Variants in EGFLAM observed in about 807,000 individuals in gnomAD.
EGFLAM encodes pikachurin.
In EGFLAM, 79 loss-of-function variants were observed where a neutral mutation model predicts 113.1. The ratio of observed to expected loss-of-function variants is 0.70; its 90% confidence interval spans 0.58 to 0.84. EGFLAM has a LOEUF of 0.84. EGFLAM is among the 40% of genes least tolerant of loss of function. The pLI, the probability that EGFLAM is intolerant of heterozygous loss-of-function variation, is 0.00. For synonymous variants in EGFLAM, 504 were observed against 487.6 expected (o/e 1.03, Z -0.44); for missense variants, 1,265 against 1,291.6 (o/e 0.98, Z 0.32).
chr5:38,425,893 C>T (rs1051572737), intron 13 of EGFLAM, among the ~76,000 whole-genome samples: 5 of 152,052 alleles, frequency 3.3e-5, no homozygotes, highest in Non-Finnish European at 5.9e-5. Flanking sequence ...TCTGGGAGGC[C>T]GAGGTGGGCG....
intron 20 of EGFLAM, among the ~76,000 whole-genome samples, chr5:38,461,835 C>T (rs978114568): frequency 2.6e-5 from 4 of 152,158 alleles, no homozygotes; most frequent in African/African-American, 9.6e-5. Flanking sequence ...TTCCTGTCGT[C>T]AGAGTCACTT....
Position 38,346,260 on chromosome 5 carries a change from G to A in EGFLAM, c.292-4241G>A, listed in dbSNP as rs1023141417. ...TTCTAATACGTTAACTTCCATGGTC[G>A]TAAAGTAATAATAATCTAGTTTCCA... On this transcript the variant is annotated intron_variant, in intron 3 of 21. Coordinates refer to ENST00000322350, the MANE Select transcript of EGFLAM (RefSeq NM_152403.4). Among the ~76,000 whole-genome samples the A allele has an allele frequency of 9.8e-5, 15 of 152,302 alleles. 1 individual carries two copies. Among genetic ancestry groups the A allele is most frequent in the South Asian group, 4.1e-4 (2 of 4,826 alleles).
In EGFLAM at chr5:38,350,492, C is replaced by A; in HGVS notation, c.292-9C>A. On this transcript the variant is annotated splice_polypyrimidine_tract_variant and intron_variant, in intron 3 of 21. Transcript: ENST00000322350. ...ATTGTTAGCATCTTTCTTGTTTGGT[C>A]ATTGACAGGAGGAAGTGATTGGAGA... The A allele has an allele frequency of 6.2e-7, 1 of 1,612,372 alleles. No homozygotes were observed. Among genetic ancestry groups the A allele is most frequent in the South Asian group, 1.1e-5 (1 of 90,804 alleles).
intron 6 of EGFLAM, among the ~76,000 whole-genome samples, chr5:38,374,342 A>T (rs1740308881): frequency 6.6e-6 from 1 of 152,154 alleles, no homozygotes; most frequent in Non-Finnish European, 1.5e-5. Flanking sequence ...CTCCCTGAGC[A>T]TTCGGGGATC....
chr5:38,348,377 C>T (rs901950068), intron 3 of EGFLAM, among the ~76,000 whole-genome samples: 8 of 151,842 alleles, frequency 5.3e-5, no homozygotes, highest in Admixed American at 1.3e-4. Context: ...AATCCTTAGA[C>T]GTAGCAGAGA....
chr5:38,435,859 C>T (rs541637205), intron 16 of EGFLAM, among the ~76,000 whole-genome samples: 1 of 144,020 alleles, frequency 6.9e-6, no homozygotes, highest in Non-Finnish European at 1.5e-5. Flanking sequence ...GCTCTGTCGC[C>T]CAGGCTGTAG....
At chr5:38,296,716 T>C (rs1412793933) in intron 1 of EGFLAM, among the ~76,000 whole-genome samples, 2 of 151,432 alleles carry the variant, frequency 1.3e-5, no homozygotes, top group Non-Finnish European at 2.9e-5. Flanking sequence ...AATATATGCA[T>C]TTTTACATAC....
At chr5:38,416,216 C>G (rs1183014620) in intron 11 of EGFLAM, among the ~76,000 whole-genome samples, 1 of 152,188 alleles carries the variant, frequency 6.6e-6, no homozygotes, top group African/African-American at 2.4e-5. Flanking sequence ...CTGATTCTAT[C>G]TGAAGTGGGA....
At position 38,464,067 on chromosome 5, in the gene EGFLAM, G is replaced by A. The variant is rs1271930641; in HGVS notation, c.*81G>A. The A allele has an allele frequency of 3.2e-6, 5 of 1,556,132 alleles. No homozygotes were observed. In the African/African-American group the frequency reaches 5.4e-5, roughly 17 times the overall value. On this transcript the variant is annotated 3_prime_UTR_variant, in exon 22 of 22. Transcript: ENST00000322350. ...CCTCAGACCCTGCCTGATGCTATAT[G>A]CAGAGGCCCAGGGACCAGGTGTGTT...
intron 1 of EGFLAM, among the ~76,000 whole-genome samples, chr5:38,265,896 A>C (rs1757621728): frequency 6.6e-6 from 1 of 152,170 alleles, no homozygotes; most frequent in Non-Finnish European, 1.5e-5. Flanking sequence ...GACATGCCAA[A>C]AGAGAGTTTG....
chr5:38,315,182 G>A (rs1029132090), intron 1 of EGFLAM, among the ~76,000 whole-genome samples: 1 of 151,948 alleles, frequency 6.6e-6, no homozygotes, highest in Non-Finnish European at 1.5e-5. Context: ...TCTCTTTAAG[G>A]TGACTTTGCA....
chr5:38,448,177 G>A (rs1742781822), intron 17 of EGFLAM, 124 bp from the exon 18 acceptor site: 5 of 1,058,618 alleles, frequency 4.7e-6, no homozygotes, highest in South Asian at 1.4e-5. Flanking sequence ...CAGCCGAAGG[G>A]AAGGGGCTGA....
chr5:38,292,385 G>A (rs1165511399), intron 1 of EGFLAM, among the ~76,000 whole-genome samples: 1 of 152,188 alleles, frequency 6.6e-6, no homozygotes, highest in East Asian at 1.9e-4. Context: ...GTTTGTCACT[G>A]CTGCTTAAAT....
chr5:38,445,388 G>A (rs1579941873), intron 17 of EGFLAM: 1 of 1,031,756 alleles, frequency 9.7e-7, no homozygotes, highest in Non-Finnish European at 1.3e-6. Flanking sequence ...AGAAGTGTCA[G>A]ACAGCTGATT....
intron 1 of EGFLAM, among the ~76,000 whole-genome samples, chr5:38,269,491 T>C (rs1478723353): frequency 7.4e-6 from 1 of 134,932 alleles, no homozygotes; most frequent in Non-Finnish European, 1.6e-5. Flanking sequence ...ACTTTTCTTT[T>C]CTTTTTTTTT....
At chr5:38,320,806 AACC>A (rs1738719044) in intron 1 of EGFLAM, among the ~76,000 whole-genome samples, 1 of 151,934 alleles carries the variant, frequency 6.6e-6, no homozygotes. Flanking sequence ...GGTGTGGAGG[AACC>A]ACCGGGGAAA....
chr5:38,409,003 G>GGC lies in EGFLAM; in HGVS notation c.1250_1251dup (p.Glu418ArgfsTer45). 1 of 1,583,414 alleles carries GGC rather than the reference G, an allele frequency of 6.3e-7. No individual in the cohort carries two copies. The highest frequency in any genetic ancestry group is 8.6e-7 in the Non-Finnish European group (1 of 1,163,020). On this transcript the variant is annotated frameshift_variant and splice_region_variant. Coordinates refer to ENST00000322350, the MANE Select transcript of EGFLAM (RefSeq NM_152403.4). LOFTEE classifies it high-confidence loss of function. The stretch of plus-strand genomic sequence containing the variant: ...TGTGGCTTTTGTTTGTATAATCACA[G>GGC]GCGGAGGCAGAGGATGGCTTACTGC...
At chr5:38,283,851 C>T (rs1036186800) in intron 1 of EGFLAM, 7 of 152,208 alleles carry the variant, frequency 4.6e-5, no homozygotes, top group East Asian at 1.9e-4. Flanking sequence ...GTTTGTAAGA[C>T]GGTTCCATGC....
intron 1 of EGFLAM, among the ~76,000 whole-genome samples, chr5:38,313,184 A>AT (rs1187320829): frequency 6.6e-6 from 1 of 152,158 alleles, no homozygotes; most frequent in Non-Finnish European, 1.5e-5. Flanking sequence ...ATCTTTTCTG[A>AT]TTTTTTTATC....
Sources: gnomAD v4.1 joint callset for allele counts (sites outside exome capture counted in the v4.1 genomes callset) on GRCh38, gnomAD v4.1.1 for gene constraint, MANE v1.5 for transcripts, NCBI Gene and HGNC (gene_info 2026-07-23, HGNC 2026-07-21) for gene names.